The following CCDC81 variants were observed in gnomAD, a reference collection of about 807,000 sequenced individuals.
CCDC81 encodes the protein coiled-coil domain containing 81, also known as coiled-coil domain-containing protein 81.
Under a neutral mutation model 83.7 loss-of-function variants are expected in CCDC81, and 79 were observed. The observed-to-expected ratio is 0.94, with a 90% confidence interval of 0.79 to 1.14. The LOEUF (loss-of-function observed/expected upper bound fraction) is 1.14, where lower values mean the gene tolerates loss of function less well. Ranked by LOEUF, CCDC81 falls within the 50% of genes most tolerant of loss-of-function variation. CCDC81 has a pLI of 0.00. For missense variants in CCDC81, 791 were observed against 778.1 expected (o/e 1.02, Z -0.20); for synonymous variants, 252 against 278.1 (o/e 0.91, Z 0.93).
In CCDC81 at chr11:86,409,342, AAG is replaced by A; in HGVS notation, c.1197_1198del (p.Asn400Ter). 1 of 1,528,044 alleles carries A rather than the reference AAG, an allele frequency of 6.5e-7. No individual in the cohort carries two copies. The highest frequency in any genetic ancestry group is 8.8e-7 in the Non-Finnish European group (1 of 1,140,214). 94.7% of individuals were successfully genotyped at this position (1,528,044 alleles called of 1,614,324 possible). A position where few individuals can be genotyped will look rare whatever the true frequency, so the allele number is the denominator to read the frequency against. ...AGTTGCTGAAGCTATAAGAAACCAC[AAG>A]AATGAGAAACCGGAATTTTATGTAA... ...LGVAEAIRNH[K>X]NEKPEFYKSF... On this transcript the variant is annotated frameshift_variant, in exon 10 of 15. Transcript: ENST00000445632. LOFTEE classifies it high-confidence loss of function.
intron 13 of CCDC81, among the ~76,000 whole-genome samples, chr11:86,416,508 G>A (rs963199266): frequency 2.6e-5 from 4 of 152,184 alleles, no homozygotes; most frequent in Non-Finnish European, 5.9e-5. Flanking sequence ...CTTTTAAGTT[G>A]TATGACTTGG....
intron 13 of CCDC81, chr11:86,419,106 TCCTGACACC>T (rs1948756530): frequency 6.6e-6 from 1 of 152,240 alleles, no homozygotes; most frequent in South Asian, 2.1e-4. Flanking sequence ...TATTGGAGGA[TCCTGACACC>T]CAGTGGTCGT....
intron 11 of CCDC81, among the ~76,000 whole-genome samples, chr11:86,413,287 C>T (rs1454312700): frequency 1.3e-5 from 2 of 152,164 alleles, no homozygotes; most frequent in Non-Finnish European, 1.5e-5. Flanking sequence ...TGTGTGCCTG[C>T]CTGCTAGGGT....
intron 4 of CCDC81, among the ~76,000 whole-genome samples, chr11:86,393,472 G>A (rs1296297014): frequency 1.3e-5 from 2 of 152,200 alleles, no homozygotes; most frequent in Non-Finnish European, 2.9e-5. Flanking sequence ...TAGGGGCTCA[G>A]AGAGGCTATG....
intron 11 of CCDC81, among the ~76,000 whole-genome samples, 188 bp downstream of exon 11, chr11:86,412,747 G>T (rs12272318): frequency 0.11 from 17,312 of 152,202 alleles, 1,375 homozygotes; most frequent in African/African-American, 0.22. Flanking sequence ...GGCATGCAGT[G>T]GGGGTGTGGC....
chr11:86,393,452 T>G (rs528233541), intron 4 of CCDC81, among the ~76,000 whole-genome samples: 1 of 152,140 alleles, frequency 6.6e-6, no homozygotes, highest in Admixed American at 6.5e-5. Context: ...AATTTTACAA[T>G]TGAGAAAAGT....
At chr11:86,403,887 G>T (rs1948527841) in intron 7 of CCDC81, among the ~76,000 whole-genome samples, 2 of 152,164 alleles carry the variant, frequency 1.3e-5, no homozygotes, top group South Asian at 4.1e-4. Context: ...CTTTGTTGGG[G>T]ATTAGTTAAG....
intron 1 of CCDC81, among the ~76,000 whole-genome samples, chr11:86,382,729 C>T (rs1565757375): frequency 6.6e-6 from 1 of 152,014 alleles, no homozygotes; most frequent in Non-Finnish European, 1.5e-5. Flanking sequence ...TTGAAAAACC[C>T]TACCATTTAA....
At chr11:86,385,818 G>A (rs902399246) in intron 1 of CCDC81, among the ~76,000 whole-genome samples, 4 of 152,072 alleles carry the variant, frequency 2.6e-5, no homozygotes, top group Admixed American at 2.6e-4. Flanking sequence ...CTTTAAAAAT[G>A]TATTATTATT....
At chr11:86,387,429 C>T (rs1309757245) in intron 2 of CCDC81, 87 bp from the exon 3 acceptor site, 12 of 1,319,740 alleles carry the variant, frequency 9.1e-6, no homozygotes, top group African/African-American at 2.9e-5. Context: ...GCTTACTTCT[C>T]TTCGTGTTTT....
In CCDC81 at chr11:86,415,105, C is replaced by T. The variant is rs150696307; in HGVS notation, c.1483C>T (p.Pro495Ser). 1.2e-3 allele frequency: 1,864 copies of T among 1,614,114 alleles called. 37 individuals carry two copies. The South Asian group carries it at 0.019, about 16-fold the overall frequency. Residue 495 changes from proline (P) to serine (S), a missense_variant, in exon 13 of 15, where the codon CCC (proline) becomes TCC (serine). Transcript: ENST00000445632. ...RALDAQIKNKPSRLPPFEPDS... is the reference protein window; with the variant it reads ...RALDAQIKNKSSRLPPFEPDS... Reference sequence around the variant, plus strand: ...ATCTCTGTTTAAGATAAAGAACAAACCCTCTCGGCTGCCCCCCTTTGAGCC... The same window carrying T: ...ATCTCTGTTTAAGATAAAGAACAAATCCTCTCGGCTGCCCCCCTTTGAGCC...
At chr11:86,384,232 C>G (rs1381511703) in intron 1 of CCDC81, among the ~76,000 whole-genome samples, 1 of 151,984 alleles carries the variant, frequency 6.6e-6, no homozygotes, top group Non-Finnish European at 1.5e-5. Context: ...AATTTTTGGT[C>G]ATGATGAAAG....
intron 1 of CCDC81, among the ~76,000 whole-genome samples, chr11:86,385,573 G>A (rs959279887): frequency 2.0e-5 from 3 of 152,184 alleles, no homozygotes; most frequent in Non-Finnish European, 4.4e-5. Context: ...AAATAGAAGT[G>A]TAGGAAAAGT....
intron 11 of CCDC81, among the ~76,000 whole-genome samples, chr11:86,414,011 T>C: frequency 6.6e-6 from 1 of 152,382 alleles, no homozygotes; most frequent in African/African-American, 2.4e-5. Context: ...AAAATGTATA[T>C]GTTCCATTAT....
chr11:86,382,056 T>C (rs1184700067), intron 1 of CCDC81, among the ~76,000 whole-genome samples: 2 of 152,112 alleles, frequency 1.3e-5, no homozygotes, highest in Non-Finnish European at 2.9e-5. Context: ...TATTCTAAAG[T>C]AGGCTAGAGA....
chr11:86,394,144 T>A (rs532451971), intron 4 of CCDC81, among the ~76,000 whole-genome samples: 1 of 152,302 alleles, frequency 6.6e-6, no homozygotes, highest in East Asian at 1.9e-4. Context: ...TGCAAGTCCA[T>A]AAGCAAGGCC....
chr11:86,406,178 T>G (rs1386901314), intron 7 of CCDC81, among the ~76,000 whole-genome samples: 1 of 152,228 alleles, frequency 6.6e-6, no homozygotes, highest in Non-Finnish European at 1.5e-5. Flanking sequence ...TTAAAATGAT[T>G]CTTACTGTGT....
At chr11:86,384,561 T>C (rs1167316316) in intron 1 of CCDC81, among the ~76,000 whole-genome samples, 2 of 152,210 alleles carry the variant, frequency 1.3e-5, no homozygotes, top group African/African-American at 4.8e-5. Context: ...TTTATAACTC[T>C]GATATACCAG....
In CCDC81 at chr11:86,392,619, G is replaced by T. The variant is rs558222477; in HGVS notation, c.377G>T (p.Cys126Phe). 226 of 1,551,672 alleles carry T rather than the reference G, an allele frequency of 1.5e-4. 3 individuals carry two copies. The South Asian group carries it at 2.6e-3, about 18-fold the overall frequency. ...GPFNRDVVEG[C>F]VKETLLFLSR... Reference sequence around the variant, plus strand: ...TTTAACAGAGATGTAGTGGAAGGATGTGTGAAGGAGACGTTGCTTTTTTTA... The same window carrying T: ...TTTAACAGAGATGTAGTGGAAGGATTTGTGAAGGAGACGTTGCTTTTTTTA... Residue 126 changes from cysteine (C) to phenylalanine (F), a missense_variant, in exon 4 of 15, where the codon TGT becomes TTT. Transcript: ENST00000445632.
Sources: gnomAD v4.1 joint callset for allele counts (sites outside exome capture counted in the v4.1 genomes callset) on GRCh38, gnomAD v4.1.1 for gene constraint, MANE v1.5 for transcripts, NCBI Gene and HGNC (gene_info 2026-07-23, HGNC 2026-07-21) for gene names.